Variants in PSD3 observed in about 807,000 individuals in gnomAD.
The protein encoded by PSD3 is pleckstrin and Sec7 domain containing 3.
Under a neutral mutation model 105.5 loss-of-function variants are expected in PSD3, and 49 were observed. The ratio of observed to expected loss-of-function variants is 0.46; its 90% CI spans 0.37 to 0.59. The LOEUF is 0.59. Among genes scored for constraint, PSD3 ranks in the 20% least tolerant of loss-of-function variants. The probability of loss-of-function intolerance (pLI) is 0.00; values close to 1 mark genes in which losing one functional copy is unlikely to be tolerated. For missense variants in PSD3, 1,561 were observed against 1,263.8 expected, an observed-to-expected ratio of 1.24 and a Z score of -3.57; for synonymous variants, 557 against 457.8, an observed-to-expected ratio of 1.22 and a Z score of -2.77.
chr8:18,958,632 C>A (rs553118229), intron 1 of PSD3, among the ~76,000 whole-genome samples: 3 of 152,202 alleles, frequency 2.0e-5, no homozygotes, highest in African/African-American at 7.2e-5. Flanking sequence ...CCTAAGAATG[C>A]CAAGCTGTTT....
At chr8:18,716,312 A>G (rs964593603) in intron 9 of PSD3, among the ~76,000 whole-genome samples, 5 of 152,194 alleles carry the variant, frequency 3.3e-5, no homozygotes, top group Non-Finnish European at 7.3e-5. Context: ...CACAACCAGA[A>G]CCTGAGCAGC....
chr8:18,539,187 C>G (rs1307951829), intron 15 of PSD3, among the ~76,000 whole-genome samples: 4 of 152,298 alleles, frequency 2.6e-5, no homozygotes, highest in Middle Eastern at 3.4e-3. Context: ...CCAAGTATCT[C>G]TAGGATTACA....
chr8:18,572,402 A>G (rs560847202), intron 14 of PSD3, 126 bp downstream of exon 14: 6 of 1,136,692 alleles, frequency 5.3e-6, no homozygotes, highest in Admixed American at 2.2e-5. Context: ...TTTATATGAT[A>G]CGCTCTCACA....
At chr8:18,922,652 T>G (rs1189393226) in intron 2 of PSD3, among the ~76,000 whole-genome samples, 1 of 152,192 alleles carries the variant, frequency 6.6e-6, no homozygotes, top group African/African-American at 2.4e-5. Flanking sequence ...TCTCCAAGAC[T>G]GCCCCTTCCC....
At chr8:19,072,358 A>T (rs762199672) in intron 1 of PSD3, among the ~76,000 whole-genome samples, 4 of 152,156 alleles carry the variant, frequency 2.6e-5, no homozygotes, top group Non-Finnish European at 5.9e-5. Flanking sequence ...AAGTGCTGGG[A>T]TTATAGGACT....
At chr8:18,972,109 G>C (rs1011921418) in intron 1 of PSD3, among the ~76,000 whole-genome samples, 1 of 152,136 alleles carries the variant, frequency 6.6e-6, no homozygotes, top group African/African-American at 2.4e-5. Context: ...AAATAATAAG[G>C]AATGAATAGC....
chr8:18,623,976 G>C (rs1055011349), intron 11 of PSD3, among the ~76,000 whole-genome samples: 3 of 152,000 alleles, frequency 2.0e-5, no homozygotes, highest in Non-Finnish European at 4.4e-5. Flanking sequence ...TTGATACGTG[G>C]AACTCTAGCT....
chr8:18,586,037 C>A lies in PSD3; in HGVS notation c.2482-10752G>T, dbSNP rs147804246. Reference sequence around the variant, plus strand: ...CTGGGGAGAGCGATCCCCAGCCTAACAAAGCTCTTACTTTAATACCTAAGA... The same window carrying A: ...CTGGGGAGAGCGATCCCCAGCCTAAAAAAGCTCTTACTTTAATACCTAAGA... On this transcript the variant is annotated intron_variant, in intron 12 of 15. Transcript: ENST00000327040. 7.1e-3 allele frequency among the ~76,000 whole-genome samples: 1,080 copies of A among 152,222 alleles called. 8 individuals carry two copies. Among genetic ancestry groups the A allele is most frequent in the African/African-American group, 0.025 (1,050 of 41,524 alleles).
intron 1 of PSD3, among the ~76,000 whole-genome samples, chr8:18,953,316 TTGTG>T (rs34547370): frequency 5.3e-5 from 8 of 151,496 alleles, no homozygotes; most frequent in Non-Finnish European, 8.8e-5. Context: ...TGTGTGTATG[TTGTG>T]TGTGTGTGTG....
chr8:18,841,809 A>G (rs1814650072), intron 4 of PSD3, among the ~76,000 whole-genome samples: 1 of 152,212 alleles, frequency 6.6e-6, no homozygotes, highest in Admixed American at 6.5e-5. Context: ...GAGAAGCCCT[A>G]AACACATGAG....
chr8:19,071,416 C>A (rs13267992), intron 1 of PSD3, among the ~76,000 whole-genome samples: 42,237 of 151,926 alleles, frequency 0.28, 6,186 homozygotes, highest in South Asian at 0.36. Flanking sequence ...CCCTTTCTTC[C>A]TGCCTAACCC....
intron 4 of PSD3, among the ~76,000 whole-genome samples, chr8:18,817,859 C>A (rs1261698671): frequency 6.6e-6 from 1 of 152,146 alleles, no homozygotes. Context: ...CAGAATGCAG[C>A]GGTGAAGAGG....
At chr8:18,577,433 CATT>C (rs1037580789) in intron 12 of PSD3, among the ~76,000 whole-genome samples, 3 of 151,892 alleles carry the variant, frequency 2.0e-5, no homozygotes, top group African/African-American at 7.3e-5. Context: ...GCCCTTACAT[CATT>C]TTTTCTACTA....
rs955294581 is a variant in PSD3 at position 18,535,896 on chromosome 8, G to A, written c.2991C>T (p.Asn997=). 2.5e-6 allele frequency: 4 copies of A among 1,614,182 alleles called. No homozygotes were observed. Among genetic ancestry groups the A allele is most frequent in the African/African-American group, 1.3e-5 (1 of 75,040 alleles). ...LKEGGKELLS[N]DESEAAGLKK... is the part of the protein sequence containing the mutation. ...TCAGTCCTGCAGCCTCGCTTTCATCGTTACTCAGTAGCTCTTTGCCTCCTT... is the reference window on the plus strand; with the variant it reads ...TCAGTCCTGCAGCCTCGCTTTCATCATTACTCAGTAGCTCTTTGCCTCCTT... The change falls in exon 16 of 16, where the codon AAC becomes AAT. Residue 997 remains asparagine, a synonymous_variant. Transcript: ENST00000327040.
At chr8:18,620,042 C>T (rs1389152433) in intron 11 of PSD3, among the ~76,000 whole-genome samples, 1 of 152,136 alleles carries the variant, frequency 6.6e-6, no homozygotes, top group Admixed American at 6.5e-5. Flanking sequence ...ACCCATGAGG[C>T]TGCTTCTACG....
rs146085566 is a variant in PSD3 at position 18,984,609 on chromosome 8, A to T, written c.21+28954T>A. On this transcript the variant is annotated intron_variant, in intron 1 of 15. Transcript: ENST00000327040. ...TTTCAGTTTTTAAAATGAGGCCACA[A>T]TATAATTTTGTGAATTTTGTAGTCT... is the stretch of plus-strand genomic sequence containing the variant. Among the ~76,000 whole-genome samples the T allele has an allele frequency of 4.4e-4, 67 of 152,352 alleles. 1 individual carries two copies. Among genetic ancestry groups the T allele is most frequent in the African/African-American group, 1.4e-3 (58 of 41,582 alleles).
At chr8:18,769,722 T>C (rs1206384362) in intron 8 of PSD3, among the ~76,000 whole-genome samples, 1 of 152,366 alleles carries the variant, frequency 6.6e-6, no homozygotes, top group East Asian at 1.9e-4. Context: ...GTGAAATAAA[T>C]GGAATCATAT....
chr8:18,667,451 T>G (rs1416112801), intron 9 of PSD3, among the ~76,000 whole-genome samples: 1 of 152,110 alleles, frequency 6.6e-6, no homozygotes, highest in African/African-American at 2.4e-5. Context: ...TAGCTAGACA[T>G]GAAGATTCTC....
chr8:18,679,025 TA>T (rs781166957), intron 9 of PSD3, among the ~76,000 whole-genome samples: 3 of 98,032 alleles, frequency 3.1e-5, no homozygotes, highest in South Asian at 2.7e-4. Context: ...CAAAAATATG[TA>T]AAGACATTTG....
Sources: allele counts gnomAD v4.1 joint callset (sites outside exome capture counted in the v4.1 genomes callset), GRCh38; gene constraint gnomAD v4.1.1; transcripts MANE v1.5; gene names NCBI Gene and HGNC (gene_info 2026-07-23, HGNC 2026-07-21).